The following ASTL variants were observed in gnomAD, a reference collection of about 807,000 sequenced individuals.
ASTL encodes astacin-like metalloendopeptidase.
Under a neutral mutation model 36.7 loss-of-function variants are expected in ASTL, and 27 were observed. The observed-to-expected ratio is 0.73, with a 90% CI of 0.54 to 1.01. The LOEUF (loss-of-function observed/expected upper bound fraction) is 1.01. Ranked by LOEUF, ASTL falls within the 50% of genes least tolerant of loss-of-function variation. The pLI is 0.00. For synonymous variants in ASTL, 222 were observed against 228.1 expected (o/e 0.97, Z 0.24); for missense variants, 524 against 572.8 (o/e 0.91, Z 0.87).
chr2:96,130,181 TAA>T, intron 6 of ASTL, 36 bp from the exon 7 acceptor site: 1 of 1,548,026 alleles, frequency 6.5e-7, no homozygotes, highest in Non-Finnish European at 8.9e-7. Flanking sequence ...TACTGATATA[TAA>T]AGAGGGCAGG....
Position 96,135,346 on chromosome 2 carries a change from CTCACCGGCCGGATGATG to C in ASTL, c.231_243+4del. ...GCACCCACACACGTCAGTGTGTGCA[CTCACCGGCCGGATGATG>C]TCCCCCTCGATGAGGAAGCTGCTCT... On this transcript the variant is annotated splice_donor_variant and splice_donor_region_variant and coding_sequence_variant and intron_variant, in exon 3 of 9. Coordinates refer to ENST00000342380, the MANE Select transcript of ASTL (RefSeq NM_001002036.4). LOFTEE classifies it high-confidence loss of function. 6.2e-7 allele frequency: 1 copy of C among 1,613,986 alleles called. No individual in the cohort carries two copies. Among genetic ancestry groups the C allele is most frequent in the Non-Finnish European group, 8.5e-7 (1 of 1,179,840 alleles).
chr2:96,129,997 C>T lies in ASTL; in HGVS notation c.720-19G>A. The T allele has an allele frequency of 1.2e-6, 2 of 1,607,458 alleles. No individual in the cohort carries two copies. The highest frequency in any genetic ancestry group is 1.7e-4 in the Middle Eastern group (1 of 5,952). ...GGCGAGCCTGGAACCCAGCGGGAGA[C>T]CCCTGAGTCCAGATCACCACGGGAG... On this transcript the variant is annotated intron_variant, in intron 7 of 8. Coordinates refer to ENST00000342380, the MANE Select transcript of ASTL (RefSeq NM_001002036.4).
In ASTL at chr2:96,138,453, C is replaced by A. The variant is rs1476834343; in HGVS notation, c.-17G>T. 2 of 1,605,188 alleles carry A rather than the reference C, an allele frequency of 1.2e-6. No individual in the cohort carries two copies. The highest frequency in any genetic ancestry group is 1.7e-5 in the Admixed American group (1 of 59,022). On this transcript the variant is annotated 5_prime_UTR_variant, in exon 1 of 9. Coordinates refer to ENST00000342380, the MANE Select transcript of ASTL (RefSeq NM_001002036.4). ...ACCCTCCATGGTAGAGCCCTGCTGC[C>A]CCTTCAGCAAACAAGACCAAGCCCC... is the stretch of plus-strand genomic sequence containing the variant.
Position 96,129,900 on chromosome 2 carries a change from G to C in ASTL, c.798C>G (p.Asn266Lys). ...CCCGGGTGATGTCCGAGGCACTCAG[G>C]TTCCATCGCTGGCCGATGTGGACAC... ...APSVHIGQRWNLSASDITRVL... is the reference protein window; with the variant it reads ...APSVHIGQRWKLSASDITRVL... Residue 266 changes from asparagine to lysine, a missense_variant, in exon 8 of 9, where the codon AAC becomes AAG. Physicochemically the swap from Asn to Lys is moderately conservative, Grantham distance 94. Coordinates refer to ENST00000342380, the MANE Select transcript of ASTL (RefSeq NM_001002036.4). 6.2e-7 allele frequency: 1 copy of C among 1,606,008 alleles called. No homozygotes were observed. The highest frequency in any genetic ancestry group is 8.5e-7 in the Non-Finnish European group (1 of 1,174,276).
chr2:96,127,364 A>G (rs1219647532), intron 8 of ASTL, among the ~76,000 whole-genome samples: 2 of 152,214 alleles, frequency 1.3e-5, no homozygotes, highest in African/African-American at 4.8e-5. Context: ...GCAGCCACTC[A>G]TATTCCTATC....
intron 6 of ASTL, among the ~76,000 whole-genome samples, chr2:96,130,807 A>C (rs771823279): frequency 7.2e-5 from 11 of 152,232 alleles, no homozygotes; most frequent in Non-Finnish European, 1.3e-4. Flanking sequence ...CCACCTGCCT[A>C]ACATAGCTGC....
chr2:96,128,899 G>T (rs574514695), intron 8 of ASTL, among the ~76,000 whole-genome samples: 1 of 152,258 alleles, frequency 6.6e-6, no homozygotes, highest in Non-Finnish European at 1.5e-5. Flanking sequence ...AATTAGTTGG[G>T]TGTGGTGGCA....
chr2:96,124,156 C>A lies in ASTL; in HGVS notation c.990G>T (p.Ala330=). The change falls in exon 9 of 9, where the codon GCG becomes GCT. Residue 330 remains alanine (A), a synonymous_variant. Coordinates refer to ENST00000342380, the MANE Select transcript of ASTL (RefSeq NM_001002036.4). This position sits in a 1 kb window ranked among gnomAD's most constrained non-coding sequence, Gnocchi z 4.1. The part of the protein sequence containing the change: ...SRSPDPSGSS[A]GGQPVPAGPG... ...GCCCTGCAGGAACGGGCTGGCCTCC[C>A]GCACTGGAACCACTGGGGTCGGGGC... is the stretch of plus-strand genomic sequence containing the variant. The A allele has an allele frequency of 6.4e-7, 1 of 1,558,198 alleles. No homozygotes were observed. The highest frequency in any genetic ancestry group is 8.7e-7 in the Non-Finnish European group (1 of 1,152,618).
intron 2 of ASTL, among the ~76,000 whole-genome samples, chr2:96,136,953 T>A (rs773516174): frequency 8.5e-5 from 13 of 152,194 alleles, no homozygotes; most frequent in South Asian, 2.1e-4. Context: ...CATGCCATTC[T>A]CCTGCCTCAG....
At position 96,125,849 on chromosome 2, in the gene ASTL, C is replaced by T. The variant is rs117270812; in HGVS notation, c.875-1578G>A. Among the ~76,000 whole-genome samples, 21 of 152,228 alleles carry T rather than the reference C, an allele frequency of 1.4e-4. No individual in the cohort carries two copies. The East Asian group carries it at 3.5e-3, about 25-fold the overall frequency. On this transcript the variant is annotated intron_variant, in intron 8 of 8. Coordinates refer to ENST00000342380, the MANE Select transcript of ASTL (RefSeq NM_001002036.4). ...CCTAGCTACTCGGGAGGCTGAGGTG[C>T]ACAAGACTCCATCTCAACAAAAGAA... is the stretch of plus-strand genomic sequence containing the variant.
intron 5 of ASTL, among the ~76,000 whole-genome samples, chr2:96,133,215 G>A (rs1208556218): frequency 6.6e-6 from 1 of 152,184 alleles, no homozygotes; most frequent in Non-Finnish European, 1.5e-5. Context: ...GGAGAGGAGG[G>A]CTTTGTAAAT....
chr2:96,132,908 C>T lies in ASTL; in HGVS notation c.456-187G>A, dbSNP rs2104773250. On this transcript the variant is annotated intron_variant, in intron 5 of 8. Transcript: ENST00000342380. This position sits in a 1 kb window ranked among gnomAD's most constrained non-coding sequence, Gnocchi z 5.4. ...TACTGCCTGGACTTCTGTGAAATGG[C>T]CATACCGGACCCCCATCACCAGCCT... Among the ~76,000 whole-genome samples the T allele has an allele frequency of 6.6e-6, 1 of 152,266 alleles. No individual in the cohort carries two copies. The highest frequency in any genetic ancestry group is 2.1e-4 in the South Asian group (1 of 4,832).
At chr2:96,127,928 T>C (rs1401321739) in intron 8 of ASTL, among the ~76,000 whole-genome samples, 1 of 152,064 alleles carries the variant, frequency 6.6e-6, no homozygotes, top group East Asian at 1.9e-4. Flanking sequence ...ATACAAATTA[T>C]GTGTTGCAAA....
intron 6 of ASTL, among the ~76,000 whole-genome samples, chr2:96,131,663 G>A (rs1682181633): frequency 6.6e-6 from 1 of 152,120 alleles, no homozygotes; most frequent in Admixed American, 6.5e-5. Context: ...TGTGACTCAT[G>A]TTTGCTGAGA....
intron 6 of ASTL, among the ~76,000 whole-genome samples, chr2:96,131,587 C>T (rs1329408988): frequency 6.6e-6 from 1 of 152,154 alleles, no homozygotes; most frequent in African/African-American, 2.4e-5. Context: ...CCAGCCTGGT[C>T]TGATTCAATA....
At chr2:96,134,185 T>C (rs567350273) in intron 3 of ASTL, 127 bp from the exon 4 acceptor site, 1 of 689,520 alleles carries the variant, frequency 1.5e-6, no homozygotes, top group East Asian at 2.8e-5. Context: ...TGCATGGGAA[T>C]GGGGGACCAT....
In ASTL at chr2:96,132,466, G is replaced by T; in HGVS notation, c.637+74C>A. 1 of 1,406,736 alleles carries T rather than the reference G, an allele frequency of 7.1e-7. No homozygotes were observed. Among genetic ancestry groups the T allele is most frequent in the South Asian group, 1.4e-5 (1 of 72,744 alleles). 87.1% of individuals were successfully genotyped at this position (1,406,736 alleles called of 1,614,324 possible). On this transcript the variant is annotated intron_variant, in intron 6 of 8. Coordinates refer to ENST00000342380, the MANE Select transcript of ASTL (RefSeq NM_001002036.4). The surrounding 1 kb of genome is among the most constrained non-coding windows in gnomAD (Gnocchi z 5.4). ...GAGGATGGATAGCCTCACCCATGGG[G>T]ACCAGGCGACTTGGGCCCAAGCCGT...
At chr2:96,127,140 G>T (rs1682080769) in intron 8 of ASTL, among the ~76,000 whole-genome samples, 1 of 152,208 alleles carries the variant, frequency 6.6e-6, no homozygotes, top group Admixed American at 6.5e-5. Flanking sequence ...GACACAAGAG[G>T]CTATGTGTTA....
intron 8 of ASTL, among the ~76,000 whole-genome samples, chr2:96,129,036 T>C (rs1393003939): frequency 6.7e-6 from 1 of 149,734 alleles, no homozygotes; most frequent in Non-Finnish European, 1.5e-5. Flanking sequence ...TGAGACTCCA[T>C]CTTTAAAAAA....
Sources: gnomAD v4.1 joint callset for allele counts (sites outside exome capture counted in the v4.1 genomes callset) on GRCh38, gnomAD v4.1.1 for gene constraint, Gnocchi (gnomAD v3.1) non-coding constraint, MANE v1.5 for transcripts, NCBI Gene and HGNC (gene_info 2026-07-23, HGNC 2026-07-21) for gene names.